SCUBE1: variants seen among roughly 807,000 people sequenced by gnomAD.
The protein encoded by SCUBE1 is signal peptide, CUB domain and EGF like domain containing 1, also known as signal peptide, CUB and EGF-like domain-containing protein 1.
A neutral mutation model predicts 124.4 loss-of-function variants in SCUBE1; 59 were observed. That is an observed-to-expected ratio of 0.47 (90% CI 0.38 to 0.59). The LOEUF is 0.59. Among genes scored for constraint, SCUBE1 ranks in the 20% least tolerant of loss-of-function variants. The probability of loss-of-function intolerance (pLI) is 0.00; values close to 1 mark genes in which losing one functional copy is unlikely to be tolerated. For missense variants in SCUBE1, 1,150 were observed against 1,371.2 expected (o/e 0.84, Z 2.55); for synonymous variants, 545 against 550.9 (o/e 0.99, Z 0.15).
chr22:43,320,083 T>A lies in SCUBE1; in HGVS notation c.221-18A>T. 7 of 1,613,330 alleles carry A rather than the reference T, an allele frequency of 4.3e-6. No individual in the cohort carries two copies. Among genetic ancestry groups the A allele is most frequent in the Non-Finnish European group, 5.1e-6 (6 of 1,179,530 alleles). The stretch of plus-strand genomic sequence containing the variant: ...GTCAATGTCTGCAAAAGGAAGGGCA[T>A]GAGAGGTGTCAGAAGAAGAGCCTGG... On this transcript the variant is annotated intron_variant, in intron 2 of 21. Coordinates refer to ENST00000360835, the MANE Select transcript of SCUBE1 (RefSeq NM_173050.5).
intron 4 of SCUBE1, among the ~76,000 whole-genome samples, chr22:43,288,711 A>G (rs1239558291): frequency 6.6e-6 from 1 of 152,192 alleles, no homozygotes; most frequent in East Asian, 1.9e-4. Flanking sequence ...CCCCATAGCT[A>G]GCGTGCCTGG....
At chr22:43,337,478 C>T (rs1428270826) in intron 2 of SCUBE1, among the ~76,000 whole-genome samples, 1 of 152,156 alleles carries the variant, frequency 6.6e-6, no homozygotes, top group African/African-American at 2.4e-5. Context: ...TCACATGTAC[C>T]ACTCGAACCA....
chr22:43,231,656 A>G, intron 8 of SCUBE1, 97 bp downstream of exon 8: 1 of 1,455,670 alleles, frequency 6.9e-7, no homozygotes, highest in Admixed American at 2.0e-5. Context: ...CCCCATCCGC[A>G]TTCCCCTCCC....
intron 4 of SCUBE1, among the ~76,000 whole-genome samples, chr22:43,285,379 C>A (rs1174584162): frequency 6.6e-6 from 1 of 152,210 alleles, no homozygotes; most frequent in Non-Finnish European, 1.5e-5. Context: ...CTCTTCCTTC[C>A]CCTCTCTGTC....
rs187647771 is a variant in SCUBE1 at position 43,308,548 on chromosome 22, G to A, written c.349+11389C>T. Reference sequence around the variant, plus strand: ...ACAGCAGCAACTCGAGCCTTCGTTAGGGGTTCCAGGGAGCCACATGTTGTC... The same window carrying A: ...ACAGCAGCAACTCGAGCCTTCGTTAAGGGTTCCAGGGAGCCACATGTTGTC... On this transcript the variant is annotated intron_variant, in intron 3 of 21. Transcript: ENST00000360835. Among the ~76,000 whole-genome samples, 259 of 152,338 alleles carry A rather than the reference G, an allele frequency of 1.7e-3. 1 individual carries two copies. The highest frequency in any genetic ancestry group is 5.8e-3 in the African/African-American group (240 of 41,572).
At chr22:43,223,490 G>A (rs1922185314) in intron 10 of SCUBE1, among the ~76,000 whole-genome samples, 1 of 152,190 alleles carries the variant, frequency 6.6e-6, no homozygotes, top group South Asian at 2.1e-4. Context: ...AACTCCCTGA[G>A]GGCAGGGCTG....
chr22:43,287,332 T>C (rs923668389), intron 4 of SCUBE1, among the ~76,000 whole-genome samples: 2 of 152,236 alleles, frequency 1.3e-5, no homozygotes, highest in Non-Finnish European at 2.9e-5. Flanking sequence ...CTGCCCTTGA[T>C]TGACCAGAGC....
chr22:43,290,294 C>G (rs1925309055), intron 4 of SCUBE1, among the ~76,000 whole-genome samples: 1 of 151,846 alleles, frequency 6.6e-6, no homozygotes, highest in Non-Finnish European at 1.5e-5. Flanking sequence ...TGTCCTGGCT[C>G]TCTCCTCCAA....
chr22:43,198,564 A>G lies in SCUBE1; in HGVS notation c.*5433T>C, dbSNP rs1433812819. On this transcript the variant is annotated 3_prime_UTR_variant, in exon 22 of 22. Coordinates refer to ENST00000360835, the MANE Select transcript of SCUBE1 (RefSeq NM_173050.5). ...CTCTCTGCTCTCTCTCCACATCCTC[A>G]CTCCACCCCTCATTACATCCTCTGC... 4.4e-6 allele frequency: 2 copies of G among 456,006 alleles called. No homozygotes were observed. The highest frequency in any genetic ancestry group is 2.4e-5 in the Admixed American group (1 of 42,496). The allele number at this position is 456,006 out of a possible 1,614,324, so 28.2% of individuals were successfully genotyped here. A position where few individuals can be genotyped will look rare whatever the true frequency, so the allele number is the denominator to read the frequency against.
rs540674697 is a variant in SCUBE1, at chr22:43,308,636, A to C, written c.349+11301T>G. Among the ~76,000 whole-genome samples, 4 of 152,366 alleles carry C rather than the reference A, an allele frequency of 2.6e-5. No individual in the cohort carries two copies. The South Asian group carries it at 8.3e-4, about 32-fold the overall frequency. ...AGGCCGCGATGGCGCAGGCCCTTTC[A>C]TCAGCCCAGCGGAGGGAGAGCTGGA... On this transcript the variant is annotated intron_variant, in intron 3 of 21. Transcript: ENST00000360835.
intron 15 of SCUBE1, among the ~76,000 whole-genome samples, chr22:43,214,803 G>A (rs1454121794): frequency 2.0e-5 from 3 of 152,202 alleles, no homozygotes; most frequent in African/African-American, 7.2e-5. Flanking sequence ...GAACAAATAC[G>A]TCGACTGATG....
At position 43,211,022 on chromosome 22, in the gene SCUBE1, G is replaced by A. The variant is rs370684533; in HGVS notation, c.2283C>T (p.Val761=). The A allele has an allele frequency of 2.5e-6, 4 of 1,614,124 alleles. No homozygotes were observed. Among genetic ancestry groups the A allele is most frequent in the Non-Finnish European group, 3.4e-6 (4 of 1,180,026 alleles). ...TTTHRCIRCP[V]GTYQPEFGQN... is the part of the protein sequence containing the mutation. ...GGCCAAACTCGGGCTGGTAGGTGCC[G>A]ACGGGGCAGCGGATGCAGCGGTGGG... is the stretch of plus-strand genomic sequence containing the variant. The change falls in exon 18 of 22, where the codon GTC becomes GTT. Residue 761 remains valine, a synonymous_variant. Coordinates refer to ENST00000360835, the MANE Select transcript of SCUBE1 (RefSeq NM_173050.5). The surrounding 1 kb of genome is among the most constrained non-coding windows in gnomAD (Gnocchi z 4.5).
At chr22:43,291,245 C>T (rs944046750) in intron 3 of SCUBE1, 65 bp from the exon 4 acceptor site, 1 of 1,551,024 alleles carries the variant, frequency 6.4e-7, no homozygotes, top group Non-Finnish European at 8.8e-7. Flanking sequence ...GCATGAGGGG[C>T]TGGCGGGACA....
intron 9 of SCUBE1, among the ~76,000 whole-genome samples, chr22:43,227,890 CCT>C (rs1192556674): frequency 1.3e-4 from 20 of 152,160 alleles, no homozygotes; most frequent in Admixed American, 1.3e-3. Context: ...CCCCGGGTCC[CCT>C]GTGGTACAAC....
chr22:43,339,528 G>A (rs558682134), intron 1 of SCUBE1, among the ~76,000 whole-genome samples: 3 of 151,674 alleles, frequency 2.0e-5, no homozygotes, highest in South Asian at 4.1e-4. Context: ...GAGGCTTAAG[G>A]AGACAGTGAG....
intron 4 of SCUBE1, among the ~76,000 whole-genome samples, chr22:43,281,577 T>C (rs1237426513): frequency 1.5e-5 from 2 of 137,326 alleles, no homozygotes; most frequent in Non-Finnish European, 3.2e-5. Context: ...CACCCTCCTG[T>C]CACCTCCCTT....
intron 4 of SCUBE1, among the ~76,000 whole-genome samples, chr22:43,278,908 C>T (rs997204338): frequency 1.1e-4 from 17 of 151,948 alleles, no homozygotes; most frequent in Middle Eastern, 3.2e-3. Context: ...ACCTGAGCTG[C>T]GGGAGGGTGG....
chr22:43,300,914 G>A (rs1331417292), intron 3 of SCUBE1, among the ~76,000 whole-genome samples: 1 of 152,126 alleles, frequency 6.6e-6, no homozygotes, highest in East Asian at 1.9e-4. Context: ...CCTGGTGCCT[G>A]CACGTGGACA....
intron 5 of SCUBE1, among the ~76,000 whole-genome samples, chr22:43,260,496 A>G (rs1923832111): frequency 6.6e-6 from 1 of 152,236 alleles, no homozygotes; most frequent in Non-Finnish European, 1.5e-5. Context: ...TGCTTGGCTA[A>G]GCCAGGCCTC....
Sources: allele counts gnomAD v4.1 joint callset (sites outside exome capture counted in the v4.1 genomes callset), GRCh38; gene constraint gnomAD v4.1.1; non-coding constraint Gnocchi (gnomAD v3.1); transcripts MANE v1.5; gene names NCBI Gene and HGNC (gene_info 2026-07-23, HGNC 2026-07-21).